Variants in FCHO1 observed in about 807,000 individuals in gnomAD.
The protein encoded by FCHO1 is FCH and mu domain containing endocytic adaptor 1.
A neutral mutation model predicts 114.4 loss-of-function variants in FCHO1; 45 were observed. The observed-to-expected ratio is 0.39, with a 90% CI of 0.31 to 0.50. FCHO1 has a LOEUF of 0.50. Among genes scored for constraint, FCHO1 ranks in the 20% least tolerant of loss-of-function variants. FCHO1 has a pLI of 0.77. For missense variants in FCHO1, 1,042 were observed against 1,209.6 expected (o/e 0.86, Z 2.06); for synonymous variants, 480 against 488.9 (o/e 0.98, Z 0.24).
chr19:17,781,138 A>G (rs933972016), intron 20 of FCHO1, 93 bp from the exon 21 acceptor site: 3 of 844,054 alleles, frequency 3.6e-6, no homozygotes, highest in South Asian at 1.6e-5. Context: ...AGAAAAGCCC[A>G]CCTCCTAAGA....
In FCHO1 at chr19:17,781,326, C is replaced by T. The variant is rs548606325; in HGVS notation, c.1723C>T (p.Arg575Cys). 26 of 1,613,814 alleles carry T rather than the reference C, an allele frequency of 1.6e-5. No homozygotes were observed. Among genetic ancestry groups the T allele is most frequent in the Admixed American group, 6.7e-5 (4 of 60,004 alleles). Residue 575 changes from arginine to cysteine, a missense_variant, in exon 21 of 29, where the codon CGT becomes TGT. Arg to Cys is a radical substitution (Grantham distance 180). This residue lies in a region of FCHO1 where 455 missense variants were observed against 455.4 expected (regional missense o/e 1.00). Coordinates refer to ENST00000596536, the MANE Select transcript of FCHO1 (RefSeq NM_015122.3). ...RSRKVSCPLTRSNGDLSRSLS... is the reference protein window; with the variant it reads ...RSRKVSCPLTCSNGDLSRSLS... ...TAGGAAGGTGTCCTGCCCTCTCACA[C>T]GTAGCAATGGGGACCTGGTAGGTGA...
At chr19:17,774,707 G>A (rs927517834) in intron 13 of FCHO1, 14 of 591,696 alleles carry the variant, frequency 2.4e-5, no homozygotes, top group African/African-American at 2.2e-4. Flanking sequence ...GGTTAGGCCA[G>A]GAATTGCCTG....
chr19:17,778,931 G>T, intron 20 of FCHO1, 47 bp downstream of exon 20: 1 of 1,478,658 alleles, frequency 6.8e-7, no homozygotes, highest in East Asian at 2.3e-5. Context: ...ACCCTGGGCG[G>T]GGGATTGAGC....
intron 5 of FCHO1, among the ~76,000 whole-genome samples, chr19:17,763,735 ATT>A (rs537627843): frequency 1.2e-4 from 18 of 150,602 alleles, no homozygotes; most frequent in African/African-American, 4.4e-4. Flanking sequence ...GTTAAAAAAA[ATT>A]TTTTTTGTAG....
At chr19:17,781,577 A>T (rs763260003) in intron 22 of FCHO1, 38 bp downstream of exon 22, 1 of 1,605,624 alleles carries the variant, frequency 6.2e-7, no homozygotes, top group Admixed American at 1.7e-5. Context: ...TTTGGGCCTC[A>T]GTGTCACCTT....
chr19:17,773,997 G>A (rs1401448287), intron 11 of FCHO1, among the ~76,000 whole-genome samples: 1 of 150,450 alleles, frequency 6.6e-6, no homozygotes, highest in African/African-American at 2.5e-5. Flanking sequence ...TGCAACCTCC[G>A]CCTCCTGGGT....
At chr19:17,779,390 G>A (rs930959194) in intron 20 of FCHO1, among the ~76,000 whole-genome samples, 3 of 151,920 alleles carry the variant, frequency 2.0e-5, no homozygotes, top group African/African-American at 7.3e-5. Context: ...AGGGGTCACA[G>A]GCTCCCTCTG....
intron 7 of FCHO1, among the ~76,000 whole-genome samples, chr19:17,770,035 C>T (rs2091005080): frequency 6.6e-6 from 1 of 151,968 alleles, no homozygotes; most frequent in Non-Finnish European, 1.5e-5. Flanking sequence ...CGTGGTGGCT[C>T]ACACCTGTAA....
At chr19:17,782,229 G>T (rs934758887) in intron 23 of FCHO1, among the ~76,000 whole-genome samples, 5 of 151,822 alleles carry the variant, frequency 3.3e-5, no homozygotes, top group African/African-American at 7.3e-5. Flanking sequence ...TTGAGACAGG[G>T]TCTCACTCTG....
chr19:17,786,469 GA>G (rs1473151483), intron 26 of FCHO1, 104 bp from the exon 27 acceptor site: 1 of 1,121,354 alleles, frequency 8.9e-7, no homozygotes, highest in Non-Finnish European at 1.3e-6. Flanking sequence ...TGAAGTGGGG[GA>G]GAAGGTTTGT....
At chr19:17,770,621 G>C (rs201514455) in intron 8 of FCHO1, 44 bp downstream of exon 8, 1 of 1,592,366 alleles carries the variant, frequency 6.3e-7, no homozygotes, top group East Asian at 2.3e-5. Flanking sequence ...GCCGCGGGGC[G>C]GAGGGGCTGC....
rs747467663 is a variant in FCHO1 at position 17,784,825 on chromosome 19, C to T, written c.2327C>T (p.Pro776Leu). 5 of 1,614,076 alleles carry T rather than the reference C, an allele frequency of 3.1e-6. No homozygotes were observed. Among genetic ancestry groups the T allele is most frequent in the Non-Finnish European group, 4.2e-6 (5 of 1,180,030 alleles). The change falls in exon 26 of 29, where the codon CCC becomes CTC. Residue 776 changes from proline (P) to leucine (L), a missense_variant. Physicochemically the swap from Pro to Leu is moderately conservative, Grantham distance 98. Around this residue, in one of 3 missense-constraint regions of FCHO1, gnomAD observed 137 missense variants for 190.0 expected, o/e 0.72. Coordinates refer to ENST00000596536, the MANE Select transcript of FCHO1 (RefSeq NM_015122.3). The surrounding 1 kb of genome is among the most constrained non-coding windows in gnomAD (Gnocchi z 5.3). ...TQVSVEYGYR[P>L]GATAVPTPLT... The stretch of plus-strand genomic sequence containing the variant: ...GTCTCAGTGGAGTACGGCTACCGGC[C>T]CGGTGCCACGGCTGTGCCCACACCA...
Position 17,784,201 on chromosome 19 carries a change from C to G in FCHO1, c.2192C>G (p.Ala731Gly). 6.2e-7 allele frequency: 1 copy of G among 1,613,154 alleles called. No individual in the cohort carries two copies. The highest frequency in any genetic ancestry group is 8.5e-7 in the Non-Finnish European group (1 of 1,179,606). The change falls in exon 25 of 29, where the codon GCC becomes GGC. Residue 731 changes from alanine (A) to glycine (G), a missense_variant. This residue lies in a region of FCHO1 where 455 missense variants were observed against 455.4 expected (regional missense o/e 1.00). Transcript: ENST00000596536. This position sits in a 1 kb window ranked among gnomAD's most constrained non-coding sequence, Gnocchi z 5.3. ...CGCCAGGCAGAGCAGAACCCCACTG[C>G]CTCCTACTACAACGTGGTGCTGCTG... ...LQRQAEQNPT[A>G]SYYNVVLLRY...
upstream of FCHO1, among the ~76,000 whole-genome samples, chr19:17,748,055 G>C (rs2146028043): frequency 6.6e-6 from 1 of 152,286 alleles, no homozygotes; most frequent in Non-Finnish European, 1.5e-5. Context: ...GCCTAGAACC[G>C]AGCGTGCACG....
rs1414672053 is a variant in FCHO1 at position 17,784,465 on chromosome 19, A to G, written c.2226+230A>G. On this transcript the variant is annotated intron_variant, in intron 25 of 28. Coordinates refer to ENST00000596536, the MANE Select transcript of FCHO1 (RefSeq NM_015122.3). The surrounding 1 kb of genome is among the most constrained non-coding windows in gnomAD (Gnocchi z 5.3). ...GCGTGCATCCCCTGTTGCAGATAGT[A>G]TGTTTATGTGAACTAGAAGCAGCCC... Among the ~76,000 whole-genome samples the G allele has an allele frequency of 6.6e-6, 1 of 152,054 alleles. No homozygotes were observed. The highest frequency in any genetic ancestry group is 1.5e-5 in the Non-Finnish European group (1 of 68,008).
intron 4 of FCHO1, among the ~76,000 whole-genome samples, chr19:17,760,742 C>T (rs539597957): frequency 4.6e-5 from 7 of 152,188 alleles, no homozygotes; most frequent in East Asian, 3.9e-4. Flanking sequence ...CTCCGCCTCC[C>T]GGGTTCAAGT....
Position 17,776,559 on chromosome 19 carries a change from C to A in FCHO1, c.1208-76C>A. On this transcript the variant is annotated intron_variant, in intron 17 of 28. Transcript: ENST00000596536. The surrounding 1 kb of genome is among the most constrained non-coding windows in gnomAD (Gnocchi z 4.4). ...CAACTGGCTGGACACCCCCGAGCCT[C>A]GGTCCCTTGGTCTGTGGAGTGGGGA... 6.5e-7 allele frequency: 1 copy of A among 1,545,444 alleles called. No homozygotes were observed. Among genetic ancestry groups the A allele is most frequent in the Non-Finnish European group, 8.9e-7 (1 of 1,118,918 alleles).
chr19:17,766,923 C>G (rs1229967133), intron 7 of FCHO1, 113 bp downstream of exon 7: 1 of 1,149,456 alleles, frequency 8.7e-7, no homozygotes, highest in Non-Finnish European at 1.2e-6. Flanking sequence ...TCCGAGAATT[C>G]CGTTAATTCC....
chr19:17,766,822 G>T lies in FCHO1; in HGVS notation c.336+12G>T. On this transcript the variant is annotated intron_variant, in intron 7 of 28. Transcript: ENST00000596536. ...AGACCCACAAGAAGGTGTGTGTCGT[G>T]GGCGCCGCCCAGCGGCTGGGTGGGT... 1 of 1,607,882 alleles carries T rather than the reference G, an allele frequency of 6.2e-7. No homozygotes were observed. Among genetic ancestry groups the T allele is most frequent in the Non-Finnish European group, 8.5e-7 (1 of 1,174,882 alleles).
Sources: gnomAD v4.1 joint callset for allele counts (sites outside exome capture counted in the v4.1 genomes callset) on GRCh38, gnomAD v4.1.1 for gene constraint, gnomAD v4.1.1 regional missense constraint, Gnocchi (gnomAD v3.1) non-coding constraint, MANE v1.5 for transcripts, NCBI Gene and HGNC (gene_info 2026-07-23, HGNC 2026-07-21) for gene names.